ZNF516: variants seen among roughly 807,000 people sequenced by gnomAD.
ZNF516 encodes the protein zinc finger protein 516.
A neutral mutation model predicts 79.7 loss-of-function variants in ZNF516; 19 were observed. The ratio of observed to expected loss-of-function variants is 0.24; its 90% CI spans 0.17 to 0.35. ZNF516 has a LOEUF of 0.35. ZNF516 is among the 10% of genes least tolerant of loss of function. The pLI, the probability that ZNF516 is intolerant of heterozygous loss-of-function variation, is 1.00. For missense variants in ZNF516, 1,678 were observed against 1,679.5 expected (o/e 1.00, Z 0.02); for synonymous variants, 877 against 739.5 (o/e 1.19, Z -3.02).
intron 3 of ZNF516, among the ~76,000 whole-genome samples, chr18:76,436,429 T>C (rs554746668): frequency 6.6e-6 from 1 of 152,112 alleles, no homozygotes. Context: ...GTTTTGAGCC[T>C]CTCGTGGGAC....
intron 3 of ZNF516, among the ~76,000 whole-genome samples, chr18:76,436,038 G>C (rs2075729056): frequency 6.6e-6 from 1 of 152,262 alleles, no homozygotes. Flanking sequence ...GAGCACCAGA[G>C]CAGTCTATGT....
chr18:76,470,406 C>G (rs964913085), intron 1 of ZNF516, among the ~76,000 whole-genome samples: 4 of 152,162 alleles, frequency 2.6e-5, no homozygotes, highest in African/African-American at 9.7e-5. Context: ...TCTGCACTAA[C>G]TGCTTAAGAA....
At chr18:76,496,308 C>T, upstream of ZNF516, 2 of 1,289,646 alleles carry the variant, frequency 1.6e-6, no homozygotes, top group Non-Finnish European at 2.0e-6. Context: ...TCCTTCTCCT[C>T]GTGATAACTC....
At position 76,493,065 on chromosome 18, in the gene ZNF516, A is replaced by G. The variant is rs1335595918; in HGVS notation, c.-272+2079T>C. 1.0e-6 allele frequency: 1 copy of G among 983,908 alleles called. No individual in the cohort carries two copies. The highest frequency in any genetic ancestry group is 1.2e-6 in the Non-Finnish European group (1 of 829,760). 60.9% of individuals were successfully genotyped at this position (983,908 alleles called of 1,614,324 possible). On this transcript the variant is annotated intron_variant, in intron 1 of 6. Coordinates refer to ENST00000443185, the MANE Select transcript of ZNF516 (RefSeq NM_014643.4). The surrounding 1 kb of genome is among the most constrained non-coding windows in gnomAD (Gnocchi z 5.2). Reference sequence around the variant, plus strand: ...GCCAGCAGAGCCGTCACTCACGCCCAGGGGGCAGGGAGACTTCGCAAAGCT... The same window carrying G: ...GCCAGCAGAGCCGTCACTCACGCCCGGGGGGCAGGGAGACTTCGCAAAGCT...
chr18:76,451,003 A>G lies in ZNF516; in HGVS notation c.-157-7792T>C, dbSNP rs1258807864. On this transcript the variant is annotated intron_variant, in intron 2 of 6. Coordinates refer to ENST00000443185, the MANE Select transcript of ZNF516 (RefSeq NM_014643.4). The surrounding 1 kb of genome is among the most constrained non-coding windows in gnomAD (Gnocchi z 6.0). ...CTCTCGTATTTAGAGTCATTTCCTCAACAATCGAACGCTTAAAGTTGCGGA... is the reference window on the plus strand; with the variant it reads ...CTCTCGTATTTAGAGTCATTTCCTCGACAATCGAACGCTTAAAGTTGCGGA... Among the ~76,000 whole-genome samples, 1 of 152,166 alleles carries G rather than the reference A, an allele frequency of 6.6e-6. No individual in the cohort carries two copies. The highest frequency in any genetic ancestry group is 1.9e-4 in the East Asian group (1 of 5,190).
At chr18:76,390,280 G>T (rs1201378075) in intron 3 of ZNF516, among the ~76,000 whole-genome samples, 1 of 152,192 alleles carries the variant, frequency 6.6e-6, no homozygotes, top group African/African-American at 2.4e-5. Context: ...TTTGATATGA[G>T]AATGAGCAAA....
chr18:76,445,705 T>C (rs1214147590), intron 2 of ZNF516, among the ~76,000 whole-genome samples: 1 of 152,220 alleles, frequency 6.6e-6, no homozygotes, highest in Non-Finnish European at 1.5e-5. Context: ...GGATGTTAAA[T>C]GTCAAGACAC....
intron 1 of ZNF516, among the ~76,000 whole-genome samples, chr18:76,468,335 C>A (rs1913617854): frequency 6.6e-6 from 1 of 152,020 alleles, no homozygotes; most frequent in African/African-American, 2.4e-5. Context: ...CGCGGCAGCC[C>A]AACACAAATT....
intron 1 of ZNF516, among the ~76,000 whole-genome samples, chr18:76,489,484 C>T (rs1396841851): frequency 6.6e-6 from 1 of 150,414 alleles, no homozygotes; most frequent in Non-Finnish European, 1.5e-5. Flanking sequence ...TTAAAAGTTT[C>T]ATTTATGAAA....
rs965663987 is a variant in ZNF516, at chr18:76,379,562, G to A, written c.2552C>T (p.Ser851Phe). Residue 851 changes from serine to phenylalanine, a missense_variant, in exon 4 of 7, where the codon TCT (serine) becomes TTT (phenylalanine). By Grantham distance (155) the Ser-to-Phe change is radical (BLOSUM62 -2). Transcript: ENST00000443185. ...TTTTGTGACCACTCCCAGGGGAGAA[G>A]AGCCACTTTTGGACCCCGGCATCCC... ...PGGMPGSKSG[S>F]SPLGVVTKAA... 6 of 1,613,694 alleles carry A rather than the reference G, an allele frequency of 3.7e-6. No individual in the cohort carries two copies. The highest frequency in any genetic ancestry group is 3.3e-4 in the Middle Eastern group (2 of 6,062).
chr18:76,447,732 TTTG>T (rs1284221790), intron 2 of ZNF516, among the ~76,000 whole-genome samples: 1 of 152,200 alleles, frequency 6.6e-6, no homozygotes, highest in Non-Finnish European at 1.5e-5. Flanking sequence ...CAATCACAGA[TTTG>T]TTGTTCTGGT....
intron 3 of ZNF516, among the ~76,000 whole-genome samples, chr18:76,383,158 C>T (rs1231921829): frequency 6.6e-6 from 1 of 152,146 alleles, no homozygotes; most frequent in South Asian, 2.1e-4. Context: ...CGAGCCACCC[C>T]AGGAGGGCGG....
chr18:76,458,152 A>G (rs1234266227), intron 2 of ZNF516, among the ~76,000 whole-genome samples: 2 of 152,200 alleles, frequency 1.3e-5, no homozygotes, highest in Non-Finnish European at 2.9e-5. Flanking sequence ...AACATCATCT[A>G]TAGCTTCTTG....
chr18:76,450,947 G>A (rs186813495), intron 2 of ZNF516, among the ~76,000 whole-genome samples: 74 of 152,210 alleles, frequency 4.9e-4, no homozygotes, highest in Admixed American at 2.4e-3. Flanking sequence ...ACCTTATCCC[G>A]AAAAAGGCAC....
At chr18:76,383,858 G>A (rs2074935244) in intron 3 of ZNF516, among the ~76,000 whole-genome samples, 1 of 152,226 alleles carries the variant, frequency 6.6e-6, no homozygotes, top group Non-Finnish European at 1.5e-5. Flanking sequence ...CCCGGCTCCT[G>A]GACCCAGTGC....
intron 1 of ZNF516, among the ~76,000 whole-genome samples, chr18:76,487,101 T>C (rs901272845): frequency 1.4e-4 from 21 of 152,228 alleles, no homozygotes; most frequent in Admixed American, 9.8e-4. Context: ...TCAGTACCAT[T>C]TGAATTAAAG....
chr18:76,489,621 G>A (rs1186401700), intron 1 of ZNF516, among the ~76,000 whole-genome samples: 2 of 150,466 alleles, frequency 1.3e-5, no homozygotes, highest in African/African-American at 4.9e-5. Flanking sequence ...AGAAATGTAG[G>A]ACTTCAGGGT....
At chr18:76,440,510 TAAAAG>T (rs909470145) in intron 3 of ZNF516, among the ~76,000 whole-genome samples, 2 of 152,106 alleles carry the variant, frequency 1.3e-5, no homozygotes, top group East Asian at 1.9e-4. Context: ...CAAAAAATAA[TAAAAG>T]AAATATCAAA....
intron 1 of ZNF516, among the ~76,000 whole-genome samples, chr18:76,468,277 C>T (rs1193642182): frequency 6.6e-6 from 1 of 152,200 alleles, no homozygotes; most frequent in Non-Finnish European, 1.5e-5. Flanking sequence ...GTAAGAAAAA[C>T]AATCACACTC....
Sources: gnomAD v4.1 joint callset for allele counts (sites outside exome capture counted in the v4.1 genomes callset) on GRCh38, gnomAD v4.1.1 for gene constraint, Gnocchi (gnomAD v3.1) non-coding constraint, MANE v1.5 for transcripts, NCBI Gene and HGNC (gene_info 2026-07-23, HGNC 2026-07-21) for gene names.